FSIP2: variants seen among roughly 807,000 people sequenced by gnomAD.
FSIP2 encodes fibrous sheath-interacting protein 2.
A neutral mutation model predicts 510.5 loss-of-function variants in FSIP2; 367 were observed. The observed-to-expected ratio is 0.72, with a 90% CI of 0.66 to 0.78. FSIP2 has a LOEUF of 0.78. FSIP2 is among the 30% of genes least tolerant of loss of function. The pLI is 0.00. For synonymous variants in FSIP2, 2,601 were observed against 2,732.2 expected, an observed-to-expected ratio of 0.95 and a Z score of 1.50; for missense variants, 7,594 against 7,901.7, an observed-to-expected ratio of 0.96 and a Z score of 1.48.
At position 185,831,936 on chromosome 2, in the gene FSIP2, T is replaced by C. The variant is rs1694116580; in HGVS notation, c.20587+54T>C. 43 of 1,094,966 alleles carry C rather than the reference T, an allele frequency of 3.9e-5. 1 individual carries two copies. In the South Asian group the frequency reaches 4.8e-4, roughly 12 times the overall value. The allele number at this position is 1,094,966 out of a possible 1,614,324, so 67.8% of individuals were successfully genotyped here. A position where few individuals can be genotyped will look rare whatever the true frequency, so the allele number is the denominator to read the frequency against. ...TGTAATTAAACTGTCAATTGCATCA[T>C]TTTGAATTTAGAATTTTTTATTACT... On this transcript the variant is annotated intron_variant, in intron 22 of 22. Transcript: ENST00000424728.
intron 19 of FSIP2, among the ~76,000 whole-genome samples, chr2:185,822,638 A>T (rs1693945132): frequency 6.6e-6 from 1 of 151,894 alleles, no homozygotes; most frequent in South Asian, 2.1e-4. Flanking sequence ...ATTCTACTCA[A>T]AGTAATTCAT....
chr2:185,807,449 A>C lies in FSIP2; in HGVS notation c.18143A>C (p.Gln6048Pro). Reference protein sequence around the residue: ...DNLSTELNFLQMKLVSAVATE... With the variant: ...DNLSTELNFLPMKLVSAVATE... ...TTGTCCACAGAACTGAATTTCCTTC[A>C]AATGAAGTTAGTAAGTGCAGTTGCA... Residue 6048 changes from glutamine to proline, a missense_variant, in exon 17 of 23, where the codon CAA becomes CCA. Gln to Pro is a moderately conservative substitution (Grantham distance 76). Transcript: ENST00000424728. 5 of 1,612,660 alleles carry C rather than the reference A, an allele frequency of 3.1e-6. No individual in the cohort carries two copies. In the South Asian group the frequency reaches 5.5e-5, roughly 18 times the overall value.
Position 185,808,230 on chromosome 2 carries a change from T to C in FSIP2, c.18924T>C (p.Asn6308=), listed in dbSNP as rs758301334. 4 of 1,608,282 alleles carry C rather than the reference T, an allele frequency of 2.5e-6. No individual in the cohort carries two copies. Among genetic ancestry groups the C allele is most frequent in the Non-Finnish European group, 3.4e-6 (4 of 1,178,098 alleles). ...CTCAAGTAGAGGAAGAAGTATCAAATTCAGAATTAGTTCTGGAAGCTGTCA... is the reference window on the plus strand; with the variant it reads ...CTCAAGTAGAGGAAGAAGTATCAAACTCAGAATTAGTTCTGGAAGCTGTCA... ...FQPQVEEEVS[N]SELVLEAVKI... is the part of the protein sequence containing the mutation. The change falls in exon 17 of 23, where the codon AAT becomes AAC. Residue 6308 remains asparagine, a synonymous_variant. Transcript: ENST00000424728.
chr2:185,753,497 C>T (rs1053158359), intron 7 of FSIP2, among the ~76,000 whole-genome samples: 1 of 151,504 alleles, frequency 6.6e-6, no homozygotes, highest in East Asian at 2.0e-4. Flanking sequence ...TGAATTAGTT[C>T]TCTGATGGTA....
Position 185,804,912 on chromosome 2 carries a change from T to C in FSIP2, c.15606T>C (p.Ser5202=), listed in dbSNP as rs1693528040. Residue 5202 remains serine (S), a synonymous_variant, in exon 17 of 23, where the codon TCT becomes TCC. Transcript: ENST00000424728. ...TATGTAATAATATTTTGAAAACATC[T>C]GAATTCCAAGCTGAAGTACAAAAAG... ...DSICNNILKT[S]EFQAEVQKDA... 3 of 1,525,332 alleles carry C rather than the reference T, an allele frequency of 2.0e-6. No homozygotes were observed. The South Asian group carries it at 3.6e-5, about 19-fold the overall frequency. 94.5% of individuals were successfully genotyped at this position (1,525,332 alleles called of 1,614,324 possible).
chr2:185,792,791 TA>T lies in FSIP2; in HGVS notation c.5658del (p.Gly1887GlufsTer28). On this transcript the variant is annotated frameshift_variant, in exon 16 of 23. Coordinates refer to ENST00000424728, the MANE Select transcript of FSIP2 (RefSeq NM_173651.4). LOFTEE classifies it high-confidence loss of function. ...ANVSSHEHTY[K>X]GKSSVTALDE... ...ATGTTTCTTCTCATGAACACACCTA[TA>T]AAGGAAAGTCCTCTGTCACGGCTTT... 1 of 1,534,308 alleles carries T rather than the reference TA, an allele frequency of 6.5e-7. No homozygotes were observed. Among genetic ancestry groups the T allele is most frequent in the Non-Finnish European group, 8.7e-7 (1 of 1,145,624 alleles).
intron 13 of FSIP2, among the ~76,000 whole-genome samples, chr2:185,770,047 A>G (rs944369548): frequency 6.6e-6 from 1 of 152,168 alleles, no homozygotes; most frequent in African/African-American, 2.4e-5. Context: ...TGCCTTGGCT[A>G]TTCAGGCTCT....
In FSIP2 at chr2:185,795,675, G is replaced by A; in HGVS notation, c.8539G>A (p.Glu2847Lys). Residue 2847 changes from glutamate to lysine, a missense_variant, in exon 16 of 23, where the codon GAA becomes AAA. Coordinates refer to ENST00000424728, the MANE Select transcript of FSIP2 (RefSeq NM_173651.4). ...AAAATTGTTTGACAAGTGGCAAACA[G>A]AATCAAATGACAAGGAAAATGAAAA... The part of the protein sequence containing the change: ...FKKLFDKWQT[E>K]SNDKENEKCK... 2 of 1,532,818 alleles carry A rather than the reference G, an allele frequency of 1.3e-6. No homozygotes were observed. Among genetic ancestry groups the A allele is most frequent in the East Asian group, 2.4e-5 (1 of 40,830 alleles). The allele number at this position is 1,532,818 out of a possible 1,614,324, so 95.0% of individuals were successfully genotyped here. A position where few individuals can be genotyped will look rare whatever the true frequency, so the allele number is the denominator to read the frequency against.
intron 19 of FSIP2, among the ~76,000 whole-genome samples, chr2:185,819,112 G>A (rs896847304): frequency 6.6e-6 from 1 of 151,832 alleles, no homozygotes; most frequent in African/African-American, 2.4e-5. Context: ...TAGAGTTTTT[G>A]TATGCAGTTA....
At position 185,792,120 on chromosome 2, in the gene FSIP2, T is replaced by C; in HGVS notation, c.4984T>C (p.Ser1662Pro). 6.5e-7 allele frequency: 1 copy of C among 1,533,834 alleles called. No individual in the cohort carries two copies. Among genetic ancestry groups the C allele is most frequent in the South Asian group, 1.2e-5 (1 of 83,988 alleles). Residue 1662 changes from serine to proline, a missense_variant, in exon 16 of 23, where the codon TCA becomes CCA. Coordinates refer to ENST00000424728, the MANE Select transcript of FSIP2 (RefSeq NM_173651.4). ...KVIQTELNVT[S>P]SDLKTSVENP... ...TATTCAAACAGAATTAAATGTGACC[T>C]CATCAGATTTGAAGACAAGTGTAGA... is the stretch of plus-strand genomic sequence containing the variant.
intron 19 of FSIP2, among the ~76,000 whole-genome samples, chr2:185,821,003 G>T (rs1693905942): frequency 2.3e-5 from 2 of 87,300 alleles, no homozygotes; most frequent in Non-Finnish European, 4.4e-5. Context: ...CCAAGAGTTG[G>T]TTCGTTAAAA....
Position 185,792,855 on chromosome 2 carries a change from G to A in FSIP2, c.5719G>A (p.Val1907Ile), listed in dbSNP as rs556786767. 161 of 1,534,296 alleles carry A rather than the reference G, an allele frequency of 1.0e-4. 1 individual carries two copies. The highest frequency in any genetic ancestry group is 9.3e-4 in the East Asian group (38 of 40,836). Reference sequence around the variant, plus strand: ...ATGTACTTTTCAGTCTAGATTCAGCGTTGCTGACAAGGAGACAAAGGTAAA... The same window carrying A: ...ATGTACTTTTCAGTCTAGATTCAGCATTGCTGACAAGGAGACAAAGGTAAA... ...NPCTFQSRFS[V>I]ADKETKVNLA... is the part of the protein sequence containing the mutation. The change falls in exon 16 of 23, where the codon GTT becomes ATT. Residue 1907 changes from valine to isoleucine, a missense_variant. Physicochemically the swap from Val to Ile is conservative, Grantham distance 29 (BLOSUM62 3). Coordinates refer to ENST00000424728, the MANE Select transcript of FSIP2 (RefSeq NM_173651.4).
rs917248487 is a variant in FSIP2, at chr2:185,791,869, T to C, written c.4733T>C (p.Leu1578Pro). ...PSTKEMHPNK[L>P]KAVASDILNM... ...ACAAAAGAAATGCATCCAAATAAAC[T>C]AAAAGCTGTAGCTTCAGATATTCTT... is the stretch of plus-strand genomic sequence containing the variant. The change falls in exon 16 of 23, where the codon CTA (leucine) becomes CCA (proline). Residue 1578 changes from leucine (L) to proline (P), a missense_variant. Coordinates refer to ENST00000424728, the MANE Select transcript of FSIP2 (RefSeq NM_173651.4). 10 of 1,533,754 alleles carry C rather than the reference T, an allele frequency of 6.5e-6. No homozygotes were observed. The African/African-American group carries it at 1.2e-4, about 19-fold the overall frequency.
Position 185,799,793 on chromosome 2 carries a change from A to G in FSIP2, c.10487A>G (p.Tyr3496Cys). The change falls in exon 17 of 23, where the codon TAT becomes TGT. Residue 3496 changes from tyrosine to cysteine, a missense_variant. Physicochemically the swap from Tyr to Cys is radical, Grantham distance 194. Transcript: ENST00000424728. ...AACATATACGATGATTCTTCAATTTATCAATGTTGTGAACATCTCACTGAG... is the reference window on the plus strand; with the variant it reads ...AACATATACGATGATTCTTCAATTTGTCAATGTTGTGAACATCTCACTGAG... ...LRNIYDDSSI[Y>C]QCCEHLTESV... 1 of 1,529,338 alleles carries G rather than the reference A, an allele frequency of 6.5e-7. No homozygotes were observed. Among genetic ancestry groups the G allele is most frequent in the Non-Finnish European group, 8.7e-7 (1 of 1,143,078 alleles). 94.7% of individuals were successfully genotyped at this position (1,529,338 alleles called of 1,614,324 possible).
intron 11 of FSIP2, among the ~76,000 whole-genome samples, chr2:185,762,511 A>G (rs1692374414): frequency 6.6e-6 from 1 of 151,454 alleles, no homozygotes. Context: ...ATCTTCCTCC[A>G]GTTGCTAAGG....
At position 185,790,779 on chromosome 2, in the gene FSIP2, C is replaced by T. The variant is rs1693103542; in HGVS notation, c.3643C>T (p.Pro1215Ser). 1 of 1,531,922 alleles carries T rather than the reference C, an allele frequency of 6.5e-7. No homozygotes were observed. The highest frequency in any genetic ancestry group is 8.7e-7 in the Non-Finnish European group (1 of 1,144,372). The allele number at this position is 1,531,922 out of a possible 1,614,324, so 94.9% of individuals were successfully genotyped here. ...CACTGAACACATAGTCAAAGAAGCA[C>T]CAAATAAATACCCATTAAAAACATG... ...SDTEHIVKEA[P>S]NKYPLKTWFD... Residue 1215 changes from proline to serine, a missense_variant, in exon 16 of 23, where the codon CCA becomes TCA. Pro to Ser is a moderately conservative substitution (Grantham distance 74). Coordinates refer to ENST00000424728, the MANE Select transcript of FSIP2 (RefSeq NM_173651.4).
chr2:185,791,575 T>C lies in FSIP2; in HGVS notation c.4439T>C (p.Ile1480Thr), dbSNP rs1450742070. The C allele has an allele frequency of 6.5e-7, 1 of 1,534,204 alleles. No individual in the cohort carries two copies. Among genetic ancestry groups the C allele is most frequent in the Admixed American group, 2.0e-5 (1 of 50,860 alleles). The change falls in exon 16 of 23, where the codon ATT becomes ACT. Residue 1480 changes from isoleucine (I) to threonine (T), a missense_variant. Transcript: ENST00000424728. ...ATGGCTGCTGCATTGCAGTCTAATA[T>C]TCAGTTAATTTCTAAAGCAATTTTG... Reference protein sequence around the residue: ...QKMAAALQSNIQLISKAILDY... With the variant: ...QKMAAALQSNTQLISKAILDY...
At chr2:185,788,598 G>A in intron 15 of FSIP2, 45 bp from the exon 16 acceptor site, 13 of 1,337,238 alleles carry the variant, frequency 9.7e-6, no homozygotes, top group East Asian at 2.6e-5. Flanking sequence ...CATAGAGTAA[G>A]TTGTTACATG....
chr2:185,744,368 C>A lies in FSIP2; in HGVS notation c.434C>A (p.Thr145Asn). 7.9e-7 allele frequency: 1 copy of A among 1,262,876 alleles called. No homozygotes were observed. 78.2% of individuals were successfully genotyped at this position (1,262,876 alleles called of 1,614,324 possible). The change falls in exon 4 of 23, where the codon ACC (threonine) becomes AAC (asparagine). Residue 145 changes from threonine (T) to asparagine (N), a missense_variant. By Grantham distance (65) the Thr-to-Asn change is moderately conservative. Transcript: ENST00000424728. ...TTGAATAAGTACAGGCAATATCTTACCAGTTTAAAATTAGACTTTGAGAGA... is the reference window on the plus strand; with the variant it reads ...TTGAATAAGTACAGGCAATATCTTAACAGTTTAAAATTAGACTTTGAGAGA... ...RELNKYRQYL[T>N]SLKLDFERNY...
Sources: allele counts gnomAD v4.1 joint callset (sites outside exome capture counted in the v4.1 genomes callset), GRCh38; gene constraint gnomAD v4.1.1; transcripts MANE v1.5; gene names NCBI Gene and HGNC (gene_info 2026-07-23, HGNC 2026-07-21).